Variants in NPAS1 observed in about 807,000 individuals in gnomAD.
NPAS1 encodes neuronal PAS domain protein 1, also known as neuronal PAS domain-containing protein 1.
In NPAS1, 29 loss-of-function variants were observed where a neutral mutation model predicts 49.2. The ratio of observed to expected loss-of-function variants is 0.59; its 90% CI spans 0.44 to 0.80. The LOEUF (loss-of-function observed/expected upper bound fraction) is 0.80, where lower values mean the gene tolerates loss of function less well. Ranked by LOEUF, NPAS1 falls within the 30% of genes least tolerant of loss-of-function variation. The pLI is 0.00. For missense variants in NPAS1, 825 were observed against 835.5 expected (o/e 0.99, Z 0.15); for synonymous variants, 408 against 380.4 (o/e 1.07, Z -0.84).
At chr19:47,036,590 G>T (rs913419487) in intron 6 of NPAS1, among the ~76,000 whole-genome samples, 1 of 151,954 alleles carries the variant, frequency 6.6e-6, no homozygotes, top group South Asian at 2.1e-4. Context: ...TTACAAAAAA[G>T]GCCAGGAGTG....
At chr19:47,031,053 C>T (rs1235258493) in intron 3 of NPAS1, among the ~76,000 whole-genome samples, 1 of 152,092 alleles carries the variant, frequency 6.6e-6, no homozygotes, top group East Asian at 1.9e-4. Flanking sequence ...GCCTCCTTCT[C>T]ATCCTTCAGG....
At position 47,021,716 on chromosome 19, in the gene NPAS1, G is replaced by A; in HGVS notation, c.227G>A (p.Gly76Asp). 6.4e-7 allele frequency: 1 copy of A among 1,553,956 alleles called. No individual in the cohort carries two copies. The highest frequency in any genetic ancestry group is 8.7e-7 in the Non-Finnish European group (1 of 1,150,200). ...FELAKLLPLP[G>D]AISSQLDKAS... Reference sequence around the variant, plus strand: ...CTGGCCAAGCTTCTCCCGCTGCCCGGCGCCATCTCCAGCCAGCTGGACAAG... The same window carrying A: ...CTGGCCAAGCTTCTCCCGCTGCCCGACGCCATCTCCAGCCAGCTGGACAAG... Residue 76 changes from glycine to aspartate, a missense_variant, in exon 3 of 12, where the codon GGC becomes GAC. By Grantham distance (94) the Gly-to-Asp change is moderately conservative. Transcript: ENST00000602212. This position sits in a 1 kb window ranked among gnomAD's most constrained non-coding sequence, Gnocchi z 5.7.
At chr19:47,024,499 A>AAACAAC (rs34043772) in intron 3 of NPAS1, among the ~76,000 whole-genome samples, 2 of 151,178 alleles carry the variant, frequency 1.3e-5, no homozygotes, top group Non-Finnish European at 2.9e-5. Context: ...GAAAAAGGAA[A>AAACAAC]AACAACAACA....
chr19:47,033,668 G>A (rs1485557739), intron 5 of NPAS1, among the ~76,000 whole-genome samples: 2 of 152,024 alleles, frequency 1.3e-5, no homozygotes, highest in Non-Finnish European at 2.9e-5. Flanking sequence ...CAATTTTAAA[G>A]GTTTAGAGGC....
chr19:47,026,153 G>T (rs2056869667), intron 3 of NPAS1, among the ~76,000 whole-genome samples: 1 of 152,036 alleles, frequency 6.6e-6, no homozygotes, highest in Non-Finnish European at 1.5e-5. Context: ...TGGCCAGGCT[G>T]GTCTTGAACT....
chr19:47,024,437 A>G (rs1373374204), intron 3 of NPAS1, among the ~76,000 whole-genome samples: 1 of 152,122 alleles, frequency 6.6e-6, no homozygotes, highest in Non-Finnish European at 1.5e-5. Context: ...GGATAGCTTG[A>G]GCCCAGGAGT....
intron 10 of NPAS1, 65 bp downstream of exon 10, chr19:47,041,190 T>TG (rs1245799499): frequency 1.4e-6 from 2 of 1,422,084 alleles, no homozygotes; most frequent in East Asian, 2.7e-5. Context: ...CCACCTCCAG[T>TG]GGGGGTGCTT....
chr19:47,040,361 C>T (rs2057004725), intron 8 of NPAS1, 83 bp from the exon 9 acceptor site: 4 of 903,974 alleles, frequency 4.4e-6, no homozygotes, highest in Non-Finnish European at 7.0e-6. Context: ...AGGGTGTGAA[C>T]CCCAGGGGAC....
chr19:47,026,693 A>G (rs1035525332), intron 3 of NPAS1, among the ~76,000 whole-genome samples: 6 of 151,998 alleles, frequency 3.9e-5, no homozygotes, highest in African/African-American at 9.7e-5. Flanking sequence ...GGTGGCTCAC[A>G]CCTGTAATCC....
At chr19:47,036,930 G>T (rs1368866035) in intron 6 of NPAS1, among the ~76,000 whole-genome samples, 3 of 151,688 alleles carry the variant, frequency 2.0e-5, no homozygotes, top group Non-Finnish European at 4.4e-5. Flanking sequence ...TGGGCATGAT[G>T]ACACATGCCA....
In NPAS1 at chr19:47,039,544, C is replaced by A; in HGVS notation, c.942C>A (p.Thr314=). The A allele has an allele frequency of 1.3e-6, 2 of 1,584,866 alleles. No homozygotes were observed. The highest frequency in any genetic ancestry group is 8.6e-7 in the Non-Finnish European group (1 of 1,162,754). The part of the protein sequence containing the change: ...MIVFRLSLGL[T]ILACESRVSD... ...TCTTCCGTCTCAGCCTGGGTCTCAC[C>A]ATCCTTGCTTGTGAGAGCAGGTACC... Residue 314 remains threonine (T), a synonymous_variant, in exon 8 of 12, where the codon ACC becomes ACA. Coordinates refer to ENST00000602212, the MANE Select transcript of NPAS1 (RefSeq NM_002517.4).
chr19:47,039,239 T>C (rs1276072974), intron 7 of NPAS1, 88 bp downstream of exon 7: 9 of 1,450,294 alleles, frequency 6.2e-6, no homozygotes, highest in East Asian at 2.3e-5. Flanking sequence ...GTGGCTTCAC[T>C]GGCTGCAGGT....
Position 47,042,861 on chromosome 19 carries a change from C to A in NPAS1, c.1269C>A (p.Ser423Arg). The A allele has an allele frequency of 6.2e-7, 1 of 1,605,932 alleles. No homozygotes were observed. ...TGGATGCCTTCCAGCTTCCAGCCAG[C>A]GTGGCCTGTGAGGAGGCATCCAGCC... Reference protein sequence around the residue: ...TPLDAFQLPASVACEEASSPG... With the variant: ...TPLDAFQLPARVACEEASSPG... The change falls in exon 11 of 12, where the codon AGC (serine) becomes AGA (arginine). Residue 423 changes from serine (S) to arginine (R), a missense_variant. Coordinates refer to ENST00000602212, the MANE Select transcript of NPAS1 (RefSeq NM_002517.4).
At chr19:47,039,190 C>T in intron 7 of NPAS1, 39 bp downstream of exon 7, 1 of 1,555,740 alleles carries the variant, frequency 6.4e-7, no homozygotes, top group Non-Finnish European at 8.7e-7. Flanking sequence ...TCCAGGCAGC[C>T]ATGTCCCCAG....
At chr19:47,036,900 AG>A (rs1395796103) in intron 6 of NPAS1, among the ~76,000 whole-genome samples, 6 of 151,664 alleles carry the variant, frequency 4.0e-5, no homozygotes, top group African/African-American at 1.5e-4. Context: ...CAACAACAAA[AG>A]AAAGAAAAAA....
At chr19:47,029,488 G>A (rs773177605) in intron 3 of NPAS1, among the ~76,000 whole-genome samples, 15 of 151,098 alleles carry the variant, frequency 9.9e-5, no homozygotes, top group African/African-American at 1.7e-4. Context: ...CAACCTCCAC[G>A]TCCCGGGTTC....
intron 1 of NPAS1, among the ~76,000 whole-genome samples, chr19:47,020,726 C>T (rs1416821565): frequency 6.6e-6 from 1 of 150,648 alleles, no homozygotes; most frequent in African/African-American, 2.4e-5. Context: ...GCGCCGCGTG[C>T]GCCCATTGGT....
intron 5 of NPAS1, 136 bp downstream of exon 5, chr19:47,032,868 T>C (rs1312605504): frequency 3.0e-6 from 2 of 662,384 alleles, no homozygotes; most frequent in African/African-American, 1.8e-5. Flanking sequence ...CCAAAGTGTG[T>C]TCCTTGGCAC....
At chr19:47,035,018 C>G (rs748094554) in intron 5 of NPAS1, among the ~76,000 whole-genome samples, 3 of 151,098 alleles carry the variant, frequency 2.0e-5, no homozygotes, top group Non-Finnish European at 4.4e-5. Flanking sequence ...CCCGTCTGTA[C>G]TAAAAATACA....
Sources: allele counts gnomAD v4.1 joint callset (sites outside exome capture counted in the v4.1 genomes callset), GRCh38; gene constraint gnomAD v4.1.1; non-coding constraint Gnocchi (gnomAD v3.1); transcripts MANE v1.5; gene names NCBI Gene and HGNC (gene_info 2026-07-23, HGNC 2026-07-21).